Variants in THSD7B observed in about 807,000 individuals in gnomAD.
THSD7B encodes the protein thrombospondin type 1 domain containing 7B.
In THSD7B, 138 loss-of-function variants were observed where a neutral mutation model predicts 213.6. The observed-to-expected ratio is 0.65, with a 90% CI of 0.56 to 0.74. The LOEUF is 0.74. Ranked by LOEUF, THSD7B falls within the 30% of genes least tolerant of loss-of-function variation. The probability of loss-of-function intolerance (pLI) is 0.00; values close to 1 mark genes in which losing one functional copy is unlikely to be tolerated. For synonymous variants in THSD7B, 742 were observed against 687.0 expected (o/e 1.08, Z -1.25); for missense variants, 1,931 against 1,991.5 (o/e 0.97, Z 0.58).
At chr2:137,073,386 T>G (rs1332494038) in intron 3 of THSD7B, among the ~76,000 whole-genome samples, 1 of 152,242 alleles carries the variant, frequency 6.6e-6, no homozygotes, top group Non-Finnish European at 1.5e-5. Flanking sequence ...TCTAGTTTAT[T>G]TGTGTAGAGG....
intron 12 of THSD7B, among the ~76,000 whole-genome samples, chr2:137,364,625 A>G (rs113664599): frequency 0.037 from 5,684 of 152,148 alleles, 369 homozygotes; most frequent in African/African-American, 0.13. Context: ...AATCATGAGT[A>G]ATCTCCCATT....
intron 3 of THSD7B, among the ~76,000 whole-genome samples, chr2:137,091,377 T>C (rs961257427): frequency 2.0e-5 from 3 of 152,218 alleles, no homozygotes; most frequent in African/African-American, 7.2e-5. Flanking sequence ...ATCTTGGAAA[T>C]TGAAACTCAT....
intron 1 of THSD7B, among the ~76,000 whole-genome samples, chr2:136,809,221 G>T: frequency 6.6e-6 from 1 of 152,188 alleles, no homozygotes; most frequent in South Asian, 2.1e-4. Context: ...GAGAGTAGGG[G>T]TCGTCAGGGC....
At chr2:137,332,172 A>G (rs939954357) in intron 12 of THSD7B, among the ~76,000 whole-genome samples, 4 of 151,986 alleles carry the variant, frequency 2.6e-5, no homozygotes, top group African/African-American at 9.7e-5. Context: ...TCACCTCTCA[A>G]AAGCAGCCAG....
At chr2:137,279,655 G>A (rs1339927428) in intron 12 of THSD7B, among the ~76,000 whole-genome samples, 1 of 152,132 alleles carries the variant, frequency 6.6e-6, no homozygotes, top group Admixed American at 6.6e-5. Context: ...ATTTAGATTG[G>A]GGAAGGGAGG....
At chr2:136,999,106 T>C (rs1685955552) in intron 2 of THSD7B, among the ~76,000 whole-genome samples, 1 of 152,174 alleles carries the variant, frequency 6.6e-6, no homozygotes, top group Non-Finnish European at 1.5e-5. Context: ...GACTTCATTG[T>C]ATTTTGCCTG....
intron 1 of THSD7B, among the ~76,000 whole-genome samples, chr2:136,878,633 CATTGTGGTTTTG>C (rs1683565762): frequency 6.6e-6 from 1 of 152,038 alleles, no homozygotes; most frequent in Non-Finnish European, 1.5e-5. Context: ...GATGGTATCT[CATTGTGGTTTTG>C]ATTTGCATTT....
At chr2:136,978,279 G>A (rs1415832833) in intron 2 of THSD7B, among the ~76,000 whole-genome samples, 4 of 152,102 alleles carry the variant, frequency 2.6e-5, no homozygotes, top group Non-Finnish European at 5.9e-5. Flanking sequence ...TTTTGGAGTG[G>A]AGAATTTTGC....
chr2:137,476,326 G>A (rs1033459631), intron 15 of THSD7B, among the ~76,000 whole-genome samples: 1 of 151,924 alleles, frequency 6.6e-6, no homozygotes, highest in African/African-American at 2.4e-5. Context: ...TAATAATATG[G>A]TTCCGTTTGT....
intron 20 of THSD7B, among the ~76,000 whole-genome samples, chr2:137,626,238 G>A (rs1356569154): frequency 9.9e-5 from 15 of 152,206 alleles, no homozygotes; most frequent in South Asian, 8.3e-4. Flanking sequence ...CGAGGCGGGC[G>A]GATCACGAGG....
At chr2:136,866,682 G>A (rs1683338696) in intron 1 of THSD7B, among the ~76,000 whole-genome samples, 1 of 152,168 alleles carries the variant, frequency 6.6e-6, no homozygotes, top group South Asian at 2.1e-4. Flanking sequence ...TTAACGTATG[G>A]TTACACGCAG....
chr2:137,024,989 CTG>C (rs1338899899), intron 2 of THSD7B, among the ~76,000 whole-genome samples: 1 of 152,146 alleles, frequency 6.6e-6, no homozygotes, highest in Non-Finnish European at 1.5e-5. Context: ...GGCCTCCTGT[CTG>C]AACTCATTCT....
intron 15 of THSD7B, among the ~76,000 whole-genome samples, chr2:137,490,176 G>A (rs1348453476): frequency 1.3e-5 from 2 of 152,174 alleles, no homozygotes; most frequent in Non-Finnish European, 2.9e-5. Flanking sequence ...AATTCATTCA[G>A]CATGCAAAGG....
intron 2 of THSD7B, among the ~76,000 whole-genome samples, chr2:136,996,762 T>C (rs1203206731): frequency 1.3e-5 from 2 of 152,204 alleles, no homozygotes; most frequent in Non-Finnish European, 1.5e-5. Context: ...AAACAGCATG[T>C]TGGATGCCAA....
intron 11 of THSD7B, 81 bp downstream of exon 11, chr2:137,272,743 T>C (rs774345107): frequency 8.2e-6 from 12 of 1,458,404 alleles, no homozygotes; most frequent in Non-Finnish European, 1.0e-5. Context: ...TATGGTCGTT[T>C]GGTGAAAAAT....
intron 12 of THSD7B, among the ~76,000 whole-genome samples, chr2:137,295,337 T>A (rs537143759): frequency 1.3e-5 from 2 of 152,162 alleles, no homozygotes; most frequent in African/African-American, 4.8e-5. Context: ...ATTACACAAA[T>A]GCATATTTTT....
chr2:137,097,077 T>C (rs1688052543), intron 4 of THSD7B, among the ~76,000 whole-genome samples: 1 of 152,220 alleles, frequency 6.6e-6, no homozygotes, highest in South Asian at 2.1e-4. Context: ...TTCAGAAGGC[T>C]TCTTAATGGT....
At chr2:136,766,219 A>G (rs1681387177) in intron 1 of THSD7B, among the ~76,000 whole-genome samples, 1 of 152,164 alleles carries the variant, frequency 6.6e-6, no homozygotes, top group Non-Finnish European at 1.5e-5. Context: ...GTTCAGTGCC[A>G]GTGGAGGATA....
At chr2:137,237,261 G>A (rs1681785860) in intron 9 of THSD7B, among the ~76,000 whole-genome samples, 1 of 152,152 alleles carries the variant, frequency 6.6e-6, no homozygotes, top group South Asian at 2.1e-4. Flanking sequence ...CAAAATCAGA[G>A]TATTACATGA....
Sources: allele counts gnomAD v4.1 joint callset (sites outside exome capture counted in the v4.1 genomes callset), GRCh38; gene constraint gnomAD v4.1.1; transcripts MANE v1.5; gene names NCBI Gene and HGNC (gene_info 2026-07-23, HGNC 2026-07-21).